DCC: variants seen among roughly 807,000 people sequenced by gnomAD.
DCC encodes the protein DCC netrin 1 receptor.
Under a neutral mutation model 172.5 loss-of-function variants are expected in DCC, and 58 were observed. That is an observed-to-expected ratio of 0.34 (90% CI 0.27 to 0.42). The LOEUF (loss-of-function observed/expected upper bound fraction) is 0.42, where lower values mean the gene tolerates loss of function less well. Ranked by LOEUF, DCC falls within the 10% of genes least tolerant of loss-of-function variation. The pLI, the probability that DCC is intolerant of heterozygous loss-of-function variation, is 1.00. For synonymous variants in DCC, 709 were observed against 644.5 expected (o/e 1.10, Z -1.52); for missense variants, 1,740 against 1,791.0 (o/e 0.97, Z 0.51).
intron 3 of DCC, among the ~76,000 whole-genome samples, chr18:52,907,625 A>T (rs1484330322): frequency 6.6e-6 from 1 of 152,098 alleles, no homozygotes; most frequent in Non-Finnish European, 1.5e-5. Flanking sequence ...CCTATTGCCC[A>T]GGCTGGTCTC....
Position 53,208,315 on chromosome 18 carries a change from G to C in DCC, c.1861+498G>C, listed in dbSNP as rs140115856. 2.0e-5 allele frequency among the ~76,000 whole-genome samples: 3 copies of C among 151,646 alleles called. No individual in the cohort carries two copies. The East Asian group carries it at 5.8e-4, about 29-fold the overall frequency. ...TATATGTATATATGTATATACATAT[G>C]TATATACTCTTGAGTCAGTATATAC... is the stretch of plus-strand genomic sequence containing the variant. On this transcript the variant is annotated intron_variant, in intron 11 of 28. Transcript: ENST00000442544.
At chr18:53,251,880 T>G (rs946300272) in intron 12 of DCC, among the ~76,000 whole-genome samples, 1 of 151,916 alleles carries the variant, frequency 6.6e-6, no homozygotes, top group African/African-American at 2.4e-5. Flanking sequence ...TTCCGTATAT[T>G]GTCCTTACCC....
chr18:53,084,720 G>T (rs1416461323), intron 7 of DCC, among the ~76,000 whole-genome samples: 3 of 152,178 alleles, frequency 2.0e-5, no homozygotes, highest in Non-Finnish European at 4.4e-5. Context: ...ATACAGCTTT[G>T]CCTAGAGGAC....
At chr18:52,435,584 G>A (rs527940919) in intron 1 of DCC, among the ~76,000 whole-genome samples, 1 of 152,272 alleles carries the variant, frequency 6.6e-6, no homozygotes, top group African/African-American at 2.4e-5. Context: ...GAAGGGTTGA[G>A]CTGTCTTTCC....
chr18:52,777,051 T>C (rs1243684548), intron 2 of DCC, among the ~76,000 whole-genome samples: 1 of 152,190 alleles, frequency 6.6e-6, no homozygotes, highest in Admixed American at 6.5e-5. Context: ...ATGGGATTTT[T>C]TGCATTTATT....
intron 1 of DCC, among the ~76,000 whole-genome samples, chr18:52,530,467 T>A (rs2032116115): frequency 6.6e-6 from 1 of 152,188 alleles, no homozygotes; most frequent in East Asian, 1.9e-4. Context: ...TCTTAGGAAG[T>A]CTCAGTTTTC....
chr18:52,926,929 A>G (rs1450597605), intron 5 of DCC, among the ~76,000 whole-genome samples: 2 of 115,216 alleles, frequency 1.7e-5, no homozygotes, highest in Non-Finnish European at 4.1e-5. Flanking sequence ...ATATATATGT[A>G]TATATAAACG....
At chr18:52,493,718 T>C (rs989390940) in intron 1 of DCC, among the ~76,000 whole-genome samples, 1 of 152,136 alleles carries the variant, frequency 6.6e-6, no homozygotes, top group African/African-American at 2.4e-5. Flanking sequence ...GATTAATTTA[T>C]GATTTTTTGT....
chr18:53,074,254 A>G (rs1363699668), intron 7 of DCC, among the ~76,000 whole-genome samples: 1 of 152,180 alleles, frequency 6.6e-6, no homozygotes, highest in Admixed American at 6.5e-5. Flanking sequence ...AGCCAATTTC[A>G]TGTGCCATAC....
At chr18:53,307,231 G>C (rs555056556) in intron 13 of DCC, among the ~76,000 whole-genome samples, 3 of 152,282 alleles carry the variant, frequency 2.0e-5, no homozygotes, top group South Asian at 4.1e-4. Context: ...GGGAATGGTT[G>C]AATCTAACGG....
At chr18:52,875,003 G>A (rs888566025) in intron 2 of DCC, among the ~76,000 whole-genome samples, 5 of 152,034 alleles carry the variant, frequency 3.3e-5, no homozygotes, top group Non-Finnish European at 7.4e-5. Context: ...TCTGACTTTG[G>A]GATGACTAAG....
intron 1 of DCC, among the ~76,000 whole-genome samples, chr18:52,695,767 T>C (rs1444077699): frequency 6.6e-6 from 1 of 152,218 alleles, no homozygotes; most frequent in African/African-American, 2.4e-5. Flanking sequence ...CCAGGGCTTC[T>C]ACCTTAGCAC....
chr18:52,638,882 T>C (rs1160843078), intron 1 of DCC, among the ~76,000 whole-genome samples: 1 of 152,082 alleles, frequency 6.6e-6, no homozygotes, highest in Non-Finnish European at 1.5e-5. Context: ...AGAACATTCA[T>C]CCAAGAACCA....
rs184529374 is a variant in DCC, at chr18:53,427,746, G to A, written c.3164-7398G>A. 3.9e-3 allele frequency among the ~76,000 whole-genome samples: 572 copies of A among 145,094 alleles called. 8 individuals carry two copies. Among genetic ancestry groups the A allele is most frequent in the Middle Eastern group, 0.01 (3 of 286 alleles). On this transcript the variant is annotated intron_variant, in intron 21 of 28. Coordinates refer to ENST00000442544, the MANE Select transcript of DCC (RefSeq NM_005215.4). ...TCCACTCTCCCTTATGAGACATCAA[G>A]AATGTAAGAATGAGAAATAGTAGAA...
chr18:52,509,543 A>T (rs1012233266), intron 1 of DCC, among the ~76,000 whole-genome samples: 2 of 152,134 alleles, frequency 1.3e-5, no homozygotes, highest in Admixed American at 6.5e-5. Context: ...CCTTTATGAG[A>T]TGAATGTCAG....
intron 15 of DCC, among the ~76,000 whole-genome samples, chr18:53,354,879 G>A (rs1337208269): frequency 2.7e-5 from 4 of 150,562 alleles, no homozygotes; most frequent in Non-Finnish European, 4.4e-5. Flanking sequence ...GTATTGCCTA[G>A]GTTTTCTTCT....
chr18:53,153,239 T>A (rs530537573), intron 7 of DCC, among the ~76,000 whole-genome samples: 8 of 152,204 alleles, frequency 5.3e-5, no homozygotes, highest in Non-Finnish European at 1.0e-4. Context: ...TTCTCAAAAA[T>A]CTAGTAATGT....
intron 7 of DCC, among the ~76,000 whole-genome samples, chr18:53,147,972 GTTC>G (rs1332345425): frequency 1.3e-5 from 2 of 152,074 alleles, no homozygotes; most frequent in Non-Finnish European, 2.9e-5. Flanking sequence ...TAAACCTTTA[GTTC>G]TTCTTACTTA....
At chr18:52,728,167 G>C (rs1599053018) in intron 1 of DCC, among the ~76,000 whole-genome samples, 1 of 145,958 alleles carries the variant, frequency 6.9e-6, no homozygotes, top group East Asian at 2.1e-4. Context: ...TATGATTGTG[G>C]GCCCCGTCTC....
Sources: allele counts gnomAD v4.1 joint callset (sites outside exome capture counted in the v4.1 genomes callset), GRCh38; gene constraint gnomAD v4.1.1; transcripts MANE v1.5; gene names NCBI Gene and HGNC (gene_info 2026-07-23, HGNC 2026-07-21).